EXT1: variants seen among roughly 807,000 people sequenced by gnomAD.
EXT1 encodes the protein exostosin-1.
In EXT1, 20 loss-of-function variants were observed where a neutral mutation model predicts 82.5. The ratio of observed to expected loss-of-function variants is 0.24; its 90% CI spans 0.17 to 0.35. The LOEUF (loss-of-function observed/expected upper bound fraction) is 0.35, where lower values mean the gene tolerates loss of function less well. Ranked by LOEUF, EXT1 falls within the 10% of genes least tolerant of loss-of-function variation. EXT1 has a pLI of 1.00. For missense variants in EXT1, 757 were observed against 936.5 expected (o/e 0.81, Z 2.50); for synonymous variants, 348 against 350.8 (o/e 0.99, Z 0.09).
intron 1 of EXT1, among the ~76,000 whole-genome samples, chr8:117,939,484 A>G (rs1032704630): frequency 1.3e-5 from 2 of 151,236 alleles, no homozygotes; most frequent in African/African-American, 2.4e-5. Context: ...CAAGAGAATC[A>G]CTTGAACCCG....
At chr8:118,095,921 G>A (rs2130009309) in intron 1 of EXT1, among the ~76,000 whole-genome samples, 1 of 152,278 alleles carries the variant, frequency 6.6e-6, no homozygotes, top group East Asian at 1.9e-4. Context: ...AGGAAATGGA[G>A]GCCAGCGGAA....
chr8:117,868,401 T>A (rs1414373665), intron 1 of EXT1, among the ~76,000 whole-genome samples: 1 of 152,198 alleles, frequency 6.6e-6, no homozygotes, highest in African/African-American at 2.4e-5. Context: ...GTGTTGGGAA[T>A]CATTGAAGCC....
chr8:118,080,622 C>G (rs995924970), intron 1 of EXT1, among the ~76,000 whole-genome samples: 2 of 152,130 alleles, frequency 1.3e-5, no homozygotes, highest in African/African-American at 4.8e-5. Context: ...GCATTTTTCT[C>G]TGAAGGTAGT....
At chr8:117,875,249 T>C (rs971953590) in intron 1 of EXT1, among the ~76,000 whole-genome samples, 4 of 151,992 alleles carry the variant, frequency 2.6e-5, no homozygotes, top group African/African-American at 9.7e-5. Context: ...AAACCCCATC[T>C]CTGCTAAAAA....
chr8:118,110,973 C>T lies in EXT1; in HGVS notation c.74G>A (p.Gly25Asp), dbSNP rs765050783. 33 of 1,610,980 alleles carry T rather than the reference C, an allele frequency of 2.0e-5. No homozygotes were observed. The highest frequency in any genetic ancestry group is 2.8e-5 in the Non-Finnish European group (33 of 1,179,982). The change falls in exon 1 of 11, where the codon GGC becomes GAC. Residue 25 changes from glycine (G) to aspartate (D), a missense_variant. By Grantham distance (94) the Gly-to-Asp change is moderately conservative. Around this residue, in one of 4 missense-constraint regions of EXT1, gnomAD observed 175 missense variants for 159.0 expected, o/e 1.10. Coordinates refer to ENST00000378204, the MANE Select transcript of EXT1 (RefSeq NM_000127.3). ...GCTCCTCGATGCCCTAAACTGCAAG[C>T]CTCCGAAATAAAACAAAAGGGCGAG... The part of the protein sequence containing the change: ...SCLALLFYFG[G>D]LQFRASRSHS...
At chr8:117,969,530 C>G (rs533035084) in intron 1 of EXT1, among the ~76,000 whole-genome samples, 2 of 152,188 alleles carry the variant, frequency 1.3e-5, no homozygotes, top group Non-Finnish European at 2.9e-5. Flanking sequence ...GAAACTAACT[C>G]CAGCTTCATC....
chr8:117,969,494 A>G (rs1814895455), intron 1 of EXT1, among the ~76,000 whole-genome samples: 2 of 152,334 alleles, frequency 1.3e-5, no homozygotes, highest in South Asian at 2.1e-4. Context: ...CAGAGACGCA[A>G]ATTCTCTCAC....
intron 1 of EXT1, among the ~76,000 whole-genome samples, chr8:118,046,251 A>C (rs1275540960): frequency 6.6e-6 from 1 of 152,008 alleles, no homozygotes; most frequent in Non-Finnish European, 1.5e-5. Context: ...TGACTCTGTC[A>C]ATTTAAGGAG....
chr8:117,905,722 CA>C (rs955813261), intron 1 of EXT1, among the ~76,000 whole-genome samples: 9 of 151,454 alleles, frequency 5.9e-5, no homozygotes, highest in Admixed American at 2.0e-4. Flanking sequence ...TGAGGCAGGA[CA>C]ATGGCGTGAA....
At chr8:117,968,541 ATTTATTTATTTATTTTTTTTTTTTTTT>A (rs1814869727) in intron 1 of EXT1, among the ~76,000 whole-genome samples, 1 of 15,508 alleles carries the variant, frequency 6.4e-5, no homozygotes, top group Non-Finnish European at 1.0e-4. Flanking sequence ...TTATTTATTT[ATTTATTTATTTATTTTTTTTTTTTTTT>A]TTTTTTTTTT....
intron 1 of EXT1, among the ~76,000 whole-genome samples, chr8:118,014,688 C>T (rs1416895746): frequency 6.6e-6 from 1 of 152,126 alleles, no homozygotes; most frequent in African/African-American, 2.4e-5. Context: ...GATCCCCTCG[C>T]CTCAGCCCCG....
At chr8:117,984,830 C>A (rs1392217990) in intron 1 of EXT1, among the ~76,000 whole-genome samples, 1 of 152,086 alleles carries the variant, frequency 6.6e-6, no homozygotes, top group Non-Finnish European at 1.5e-5. Flanking sequence ...CAAATCTCTC[C>A]CGAACTCAAA....
chr8:118,006,279 C>T (rs942127131), intron 1 of EXT1, among the ~76,000 whole-genome samples: 3 of 152,194 alleles, frequency 2.0e-5, no homozygotes, highest in Admixed American at 6.5e-5. Context: ...GGTCCCTCCA[C>T]CTTTCCTGCT....
Position 117,807,395 on chromosome 8 carries a change from G to A in EXT1, c.1723-18C>T. 1 of 1,614,064 alleles carries A rather than the reference G, an allele frequency of 6.2e-7. No individual in the cohort carries two copies. Among genetic ancestry groups the A allele is most frequent in the East Asian group, 2.2e-5 (1 of 44,876 alleles). On this transcript the variant is annotated intron_variant, in intron 8 of 10. Coordinates refer to ENST00000378204, the MANE Select transcript of EXT1 (RefSeq NM_000127.3). Reference sequence around the variant, plus strand: ...AAATCCACCTGCAGGCAGAACACAAGCCAAACAAGCAATCAACAGTGTTAA... The same window carrying A: ...AAATCCACCTGCAGGCAGAACACAAACCAAACAAGCAATCAACAGTGTTAA...
At chr8:118,082,328 T>C (rs555065751) in intron 1 of EXT1, among the ~76,000 whole-genome samples, 1 of 152,360 alleles carries the variant, frequency 6.6e-6, no homozygotes, top group Non-Finnish European at 1.5e-5. Context: ...ACAATTCTCA[T>C]GTAAGTTTCA....
At chr8:117,845,030 C>T (rs1274225740) in intron 1 of EXT1, among the ~76,000 whole-genome samples, 2 of 152,184 alleles carry the variant, frequency 1.3e-5, no homozygotes, top group African/African-American at 2.4e-5. Flanking sequence ...GAGAGCAGTG[C>T]GTGGCTAAAA....
chr8:117,987,310 C>A (rs1815342917), intron 1 of EXT1, among the ~76,000 whole-genome samples: 1 of 152,152 alleles, frequency 6.6e-6, no homozygotes. Flanking sequence ...TTTCAGTGAC[C>A]AGACACTGGG....
intron 1 of EXT1, among the ~76,000 whole-genome samples, chr8:117,945,190 C>T (rs1439875617): frequency 6.6e-6 from 1 of 152,070 alleles, no homozygotes. Context: ...AAAAGATCAT[C>T]TCACTTACAG....
At chr8:118,068,481 C>G (rs982641476) in intron 1 of EXT1, among the ~76,000 whole-genome samples, 1 of 152,160 alleles carries the variant, frequency 6.6e-6, no homozygotes, top group Non-Finnish European at 1.5e-5. Context: ...CTCCCCACCC[C>G]GCTCTCCCCC....
Sources: allele counts gnomAD v4.1 joint callset (sites outside exome capture counted in the v4.1 genomes callset), GRCh38; gene constraint gnomAD v4.1.1; regional missense constraint gnomAD v4.1.1; transcripts MANE v1.5; gene names NCBI Gene and HGNC (gene_info 2026-07-23, HGNC 2026-07-21).